LURAP1L: variants seen among roughly 807,000 people sequenced by gnomAD.
The protein encoded by LURAP1L is leucine rich adaptor protein 1 like, also known as leucine rich adaptor protein 1-like.
Under a neutral mutation model 13.8 loss-of-function variants are expected in LURAP1L, and 12 were observed. The observed-to-expected ratio is 0.87, with a 90% confidence interval of 0.56 to 1.41. The LOEUF is 1.41. Ranked by LOEUF, LURAP1L falls within the 40% of genes most tolerant of loss-of-function variation. The probability of loss-of-function intolerance (pLI) is 0.00; values close to 1 mark genes in which losing one functional copy is unlikely to be tolerated. For missense variants in LURAP1L, 375 were observed against 292.9 expected, an observed-to-expected ratio of 1.28 and a Z score of -2.04; for synonymous variants, 139 against 119.2, an observed-to-expected ratio of 1.17 and a Z score of -1.08.
At position 12,810,035 on chromosome 9, in the gene LURAP1L, G is replaced by C. The variant is rs553540564; in HGVS notation, c.313-11351G>C. ...GCGAGCCTGAGTTGGATATTTTGTTGATCAGGCTTTGGTAAAACTCCAGCC... is the reference window on the plus strand; with the variant it reads ...GCGAGCCTGAGTTGGATATTTTGTTCATCAGGCTTTGGTAAAACTCCAGCC... On this transcript the variant is annotated intron_variant, in intron 1 of 1. Coordinates refer to ENST00000319264, the MANE Select transcript of LURAP1L (RefSeq NM_203403.2). Among the ~76,000 whole-genome samples, 295 of 152,280 alleles carry C rather than the reference G, an allele frequency of 1.9e-3. 1 individual carries two copies. Among genetic ancestry groups the C allele is most frequent in the Middle Eastern group, 6.8e-3 (2 of 294 alleles).
rs369723713 is a variant in LURAP1L at position 12,775,730 on chromosome 9, G to A, written c.15G>A (p.Pro5=). ...CCGGAAAAGTCATGGAAGACAGCCCGCTGCCAGACCTCAGAGACATCGAGC... is the reference window on the plus strand; with the variant it reads ...CCGGAAAAGTCATGGAAGACAGCCCACTGCCAGACCTCAGAGACATCGAGC... The part of the protein sequence containing the change: MEDS[P]LPDLRDIELK... The change falls in exon 1 of 2, where the codon CCG becomes CCA. Residue 5 remains proline (P), a synonymous_variant. Transcript: ENST00000319264. 2.2e-4 allele frequency: 345 copies of A among 1,581,276 alleles called. No homozygotes were observed. Among genetic ancestry groups the A allele is most frequent in the Non-Finnish European group, 2.8e-4 (332 of 1,168,446 alleles).
At chr9:12,782,452 A>G (rs1436939832) in intron 1 of LURAP1L, among the ~76,000 whole-genome samples, 3 of 152,204 alleles carry the variant, frequency 2.0e-5, no homozygotes, top group Non-Finnish European at 2.9e-5. Flanking sequence ...ATTCTTCTGC[A>G]TATGGATATG....
chr9:12,799,483 A>AT (rs1333740420), intron 1 of LURAP1L, among the ~76,000 whole-genome samples: 1 of 152,242 alleles, frequency 6.6e-6, no homozygotes, highest in Non-Finnish European at 1.5e-5. Context: ...ATAAATAATC[A>AT]TTTTGAACAA....
chr9:12,813,118 G>A (rs1255707804), intron 1 of LURAP1L, among the ~76,000 whole-genome samples: 1 of 152,098 alleles, frequency 6.6e-6, no homozygotes, highest in Non-Finnish European at 1.5e-5. Flanking sequence ...ATTAAGTAAA[G>A]CCTTCATTCC....
At chr9:12,807,894 G>A (rs1393744402) in intron 1 of LURAP1L, among the ~76,000 whole-genome samples, 1 of 151,790 alleles carries the variant, frequency 6.6e-6, no homozygotes, top group East Asian at 1.9e-4. Context: ...TTTAGTGGTT[G>A]CCCTAGAGTT....
At chr9:12,813,948 A>G (rs1242007433) in intron 1 of LURAP1L, among the ~76,000 whole-genome samples, 1 of 152,248 alleles carries the variant, frequency 6.6e-6, no homozygotes, top group Non-Finnish European at 1.5e-5. Context: ...GTTCAGCAAG[A>G]ATAAATAAAA....
At chr9:12,803,877 G>A (rs904211228) in intron 1 of LURAP1L, among the ~76,000 whole-genome samples, 2 of 152,000 alleles carry the variant, frequency 1.3e-5, no homozygotes, top group African/African-American at 2.4e-5. Context: ...AGGTATTTGT[G>A]GAAAATAAAA....
rs1819146553 is a variant in LURAP1L, at chr9:12,775,071, CA to C, written c.-643del. On this transcript the variant is annotated 5_prime_UTR_variant, in exon 1 of 2. The change creates a premature stop within an existing upstream ORF in the 5' untranslated region. Transcript: ENST00000319264. The stretch of plus-strand genomic sequence containing the variant: ...GGGAAGAAGGACATTTTTGCTGCAT[CA>C]AGGAAGCCGTTAAACTCCTGCTAAG... The C allele has an allele frequency of 6.6e-6, 1 of 152,216 alleles. No individual in the cohort carries two copies. Among genetic ancestry groups the C allele is most frequent in the African/African-American group, 2.4e-5 (1 of 41,442 alleles). The allele number at this position is 152,216 out of a possible 1,614,324, so 9.4% of individuals were successfully genotyped here.
At chr9:12,806,240 T>C (rs1384887577) in intron 1 of LURAP1L, among the ~76,000 whole-genome samples, 1 of 152,186 alleles carries the variant, frequency 6.6e-6, no homozygotes, top group Admixed American at 6.5e-5. Context: ...TACAGCTGGT[T>C]CAAGAGAACT....
intron 1 of LURAP1L, chr9:12,777,238 T>G (rs1363846703): frequency 1.0e-6 from 1 of 985,168 alleles, no homozygotes; most frequent in Non-Finnish European, 1.2e-6. Context: ...AGGTACATAA[T>G]GGAGAAGCTG....
At chr9:12,815,864 G>A (rs1819798142) in intron 1 of LURAP1L, among the ~76,000 whole-genome samples, 1 of 152,134 alleles carries the variant, frequency 6.6e-6, no homozygotes, top group Admixed American at 6.5e-5. Flanking sequence ...ATACAAAAAT[G>A]ATTTTTATTC....
Position 12,775,486 on chromosome 9 carries a change from G to A in LURAP1L, c.-230G>A. ...ATGAGGAGATCTTGATCATCTTAGT[G>A]TCGGAGGAGTCGCAGCGGACTGGGA... On this transcript the variant is annotated 5_prime_UTR_variant, in exon 1 of 2. Coordinates refer to ENST00000319264, the MANE Select transcript of LURAP1L (RefSeq NM_203403.2). 1 of 539,674 alleles carries A rather than the reference G, an allele frequency of 1.9e-6. No individual in the cohort carries two copies. Among genetic ancestry groups the A allele is most frequent in the Non-Finnish European group, 3.1e-6 (1 of 323,326 alleles). The allele number at this position is 539,674 out of a possible 1,614,324, so 33.4% of individuals were successfully genotyped here.
chr9:12,815,717 G>C (rs1819796153), intron 1 of LURAP1L, among the ~76,000 whole-genome samples: 1 of 152,116 alleles, frequency 6.6e-6, no homozygotes, highest in South Asian at 2.1e-4. Context: ...TGAGAAACCT[G>C]AGTATATGAT....
intron 1 of LURAP1L, among the ~76,000 whole-genome samples, chr9:12,817,550 T>C (rs55756748): frequency 0.15 from 23,062 of 152,162 alleles, 1,925 homozygotes; most frequent in South Asian, 0.24. Flanking sequence ...TATTGCATAT[T>C]ATGATTGATC....
chr9:12,779,912 C>G (rs1819245993), intron 1 of LURAP1L, among the ~76,000 whole-genome samples: 1 of 152,194 alleles, frequency 6.6e-6, no homozygotes, highest in Non-Finnish European at 1.5e-5. Context: ...CAAAAGCCAT[C>G]TGCTTCCCAG....
intron 1 of LURAP1L, among the ~76,000 whole-genome samples, chr9:12,788,245 G>A (rs1300537187): frequency 6.6e-6 from 1 of 151,824 alleles, no homozygotes; most frequent in Non-Finnish European, 1.5e-5. Context: ...GTATGTATAT[G>A]ACTAAAATAA....
At chr9:12,794,288 T>C (rs1456192198) in intron 1 of LURAP1L, among the ~76,000 whole-genome samples, 1 of 152,084 alleles carries the variant, frequency 6.6e-6, no homozygotes, top group African/African-American at 2.4e-5. Flanking sequence ...ACATTAAATG[T>C]TGGGTCATTT....
intron 1 of LURAP1L, among the ~76,000 whole-genome samples, chr9:12,816,404 T>C (rs1819805260): frequency 2.0e-5 from 3 of 152,158 alleles, no homozygotes; most frequent in Admixed American, 2.0e-4. Flanking sequence ...TGAGGTCCTG[T>C]ATGCCAAGCC....
At chr9:12,809,871 A>T (rs1387782576) in intron 1 of LURAP1L, among the ~76,000 whole-genome samples, 1 of 151,840 alleles carries the variant, frequency 6.6e-6, no homozygotes, top group Non-Finnish European at 1.5e-5. Flanking sequence ...TTCCTTTGGC[A>T]CTCTTTAAAT....
Sources: gnomAD v4.1 joint callset for allele counts (sites outside exome capture counted in the v4.1 genomes callset) on GRCh38, gnomAD v4.1.1 for gene constraint, MANE v1.5 for transcripts, NCBI Gene and HGNC (gene_info 2026-07-23, HGNC 2026-07-21) for gene names.